The following PALM2AKAP2 variants were observed in gnomAD, a reference collection of about 807,000 sequenced individuals.
PALM2AKAP2 encodes PALM2-AKAP2 fusion protein.
A neutral mutation model predicts 71.5 loss-of-function variants in PALM2AKAP2; 37 were observed. That is an observed-to-expected ratio of 0.52 (90% CI 0.40 to 0.68). PALM2AKAP2 has a LOEUF of 0.68. PALM2AKAP2 is among the 30% of genes least tolerant of loss of function. The probability of loss-of-function intolerance (pLI) is 0.00; values close to 1 mark genes in which losing one functional copy is unlikely to be tolerated. For missense variants in PALM2AKAP2, 1,224 were observed against 1,191.8 expected (o/e 1.03, Z -0.40); for synonymous variants, 468 against 478.8 (o/e 0.98, Z 0.29).
At chr9:110,172,294 C>G (rs919733650) in exon 4 of PALM2AKAP2, 3 of 152,464 alleles carry the variant, frequency 2.0e-5, no homozygotes, top group Non-Finnish European at 4.4e-5. Flanking sequence ...TTGCTCTTTA[C>G]CCAAATTATT....
At chr9:109,690,368 A>ATTCTC (rs1445061307) in intron 1 of PALM2AKAP2, among the ~76,000 whole-genome samples, 2 of 152,176 alleles carry the variant, frequency 1.3e-5, no homozygotes, top group African/African-American at 4.8e-5. Context: ...GAGGTTGAGA[A>ATTCTC]TTCTCTCTTT....
At chr9:109,818,298 A>G (rs918074314) in intron 1 of PALM2AKAP2, among the ~76,000 whole-genome samples, 1 of 152,162 alleles carries the variant, frequency 6.6e-6, no homozygotes, top group African/African-American at 2.4e-5. Context: ...AAATGACTGA[A>G]TCATAGCATC....
chr9:109,804,707 T>C (rs1291778288), intron 1 of PALM2AKAP2, among the ~76,000 whole-genome samples: 2 of 152,166 alleles, frequency 1.3e-5, no homozygotes, highest in African/African-American at 4.8e-5. Flanking sequence ...AAAATCATAA[T>C]TGGTTGATTT....
intron 1 of PALM2AKAP2, among the ~76,000 whole-genome samples, chr9:109,699,778 ATT>A (rs374704175): frequency 1.8e-5 from 2 of 113,240 alleles, no homozygotes; most frequent in African/African-American, 3.3e-5. Flanking sequence ...ACCTTTATTT[ATT>A]TTTTTTTTTT....
At chr9:109,908,844 C>T (rs1004852074) in intron 3 of PALM2AKAP2, among the ~76,000 whole-genome samples, 1 of 121,904 alleles carries the variant, frequency 8.2e-6, no homozygotes, top group Admixed American at 8.9e-5. Flanking sequence ...ACACAGAGGC[C>T]GATGGGAAAA....
intron 3 of PALM2AKAP2, among the ~76,000 whole-genome samples, chr9:109,890,328 G>T (rs1830058281): frequency 6.6e-6 from 1 of 152,114 alleles, no homozygotes; most frequent in Non-Finnish European, 1.5e-5. Flanking sequence ...AGAGTACTGT[G>T]GGACCCGAGG....
intron 1 of PALM2AKAP2, among the ~76,000 whole-genome samples, chr9:110,129,923 G>A (rs1487627313): frequency 6.6e-6 from 1 of 152,142 alleles, no homozygotes; most frequent in Non-Finnish European, 1.5e-5. Flanking sequence ...CTTCCTAGTC[G>A]TGTTCAGCTT....
intron 1 of PALM2AKAP2, among the ~76,000 whole-genome samples, chr9:109,740,162 C>A (rs1828697060): frequency 6.6e-6 from 1 of 152,202 alleles, no homozygotes; most frequent in African/African-American, 2.4e-5. Flanking sequence ...TTCACTCATT[C>A]ATTCAGCAAC....
At chr9:110,131,257 C>G (rs930924581) in intron 1 of PALM2AKAP2, among the ~76,000 whole-genome samples, 1 of 152,180 alleles carries the variant, frequency 6.6e-6, no homozygotes, top group African/African-American at 2.4e-5. Flanking sequence ...TATTAGGGCT[C>G]TACCTGGAGG....
intron 1 of PALM2AKAP2, among the ~76,000 whole-genome samples, chr9:109,740,425 G>A (rs1828700649): frequency 6.6e-6 from 1 of 152,194 alleles, no homozygotes; most frequent in Admixed American, 6.5e-5. Flanking sequence ...GACATTTTGT[G>A]TAGAGACCTG....
At chr9:109,769,094 G>A (rs1471314501) in intron 1 of PALM2AKAP2, among the ~76,000 whole-genome samples, 1 of 150,596 alleles carries the variant, frequency 6.6e-6, no homozygotes, top group Non-Finnish European at 1.5e-5. Context: ...TGCCTTATCA[G>A]AACCCATAAA....
At chr9:110,108,100 TTTTG>T (rs1371417591) in intron 1 of PALM2AKAP2, among the ~76,000 whole-genome samples, 2 of 151,320 alleles carry the variant, frequency 1.3e-5, no homozygotes, top group East Asian at 1.9e-4. Context: ...GCTTTGTGCC[TTTTG>T]TTTTTCTTTT....
intron 1 of PALM2AKAP2, among the ~76,000 whole-genome samples, chr9:109,707,418 C>T (rs1281159395): frequency 1.3e-5 from 2 of 152,160 alleles, no homozygotes; most frequent in Non-Finnish European, 2.9e-5. Flanking sequence ...CAAAGATACA[C>T]TTCAGATACA....
intron 2 of PALM2AKAP2, among the ~76,000 whole-genome samples, chr9:109,870,598 T>G (rs944375599): frequency 1.3e-5 from 2 of 152,160 alleles, no homozygotes; most frequent in African/African-American, 2.4e-5. Flanking sequence ...ACTCATGAGG[T>G]CAAGTGATTT....
chr9:109,963,553 A>G (rs1012698840), intron 6 of PALM2AKAP2, among the ~76,000 whole-genome samples: 1 of 152,094 alleles, frequency 6.6e-6, no homozygotes, highest in Non-Finnish European at 1.5e-5. Context: ...CTGCTTTCCT[A>G]TGGGCCTTTA....
chr9:109,846,221 C>G (rs1224989524), intron 1 of PALM2AKAP2, among the ~76,000 whole-genome samples: 1 of 152,100 alleles, frequency 6.6e-6, no homozygotes, highest in Non-Finnish European at 1.5e-5. Context: ...GGTAGAGTAG[C>G]AAAGGAGAAA....
At chr9:110,031,619 GT>G in intron 7 of PALM2AKAP2, among the ~76,000 whole-genome samples, 1 of 152,262 alleles carries the variant, frequency 6.6e-6, no homozygotes, top group Admixed American at 6.5e-5. Flanking sequence ...GATATCTCCA[GT>G]TTACAGAGAA....
chr9:110,036,829 A>G (rs544353878), intron 7 of PALM2AKAP2, among the ~76,000 whole-genome samples: 1 of 152,004 alleles, frequency 6.6e-6, no homozygotes, highest in Non-Finnish European at 1.5e-5. Flanking sequence ...GCTGTTCCCT[A>G]TGCTCGAATG....
chr9:109,745,342 ACT>A (rs1248228255), intron 1 of PALM2AKAP2, among the ~76,000 whole-genome samples: 1 of 151,790 alleles, frequency 6.6e-6, no homozygotes, highest in Non-Finnish European at 1.5e-5. Flanking sequence ...TCAAAGTGAG[ACT>A]CTGTCTCAAA....
Sources: allele counts gnomAD v4.1 joint callset (sites outside exome capture counted in the v4.1 genomes callset), GRCh38; gene constraint gnomAD v4.1.1; transcripts MANE v1.5; gene names NCBI Gene and HGNC (gene_info 2026-07-23, HGNC 2026-07-21).